The following SYNE2 variants were observed in gnomAD, a reference collection of about 807,000 sequenced individuals.
The protein encoded by SYNE2 is spectrin repeat containing nuclear envelope protein 2.
Under a neutral mutation model 856.3 loss-of-function variants are expected in SYNE2, and 431 were observed. That is an observed-to-expected ratio of 0.50 (90% CI 0.47 to 0.55). The LOEUF is 0.55. Ranked by LOEUF, SYNE2 falls within the 20% of genes least tolerant of loss-of-function variation. SYNE2 has a pLI of 0.00. For missense variants in SYNE2, 8,129 were observed against 8,023.2 expected (o/e 1.01, Z -0.50); for synonymous variants, 2,923 against 2,872.3 (o/e 1.02, Z -0.56).
At chr14:63,923,031 G>T (rs1484618581) in intron 2 of SYNE2, among the ~76,000 whole-genome samples, 1 of 152,188 alleles carries the variant, frequency 6.6e-6, no homozygotes, top group East Asian at 1.9e-4. Context: ...AAAGAAAAGT[G>T]TTCAGTTTTA....
intron 51 of SYNE2, among the ~76,000 whole-genome samples, chr14:64,066,707 C>T (rs997532479): frequency 1.3e-5 from 2 of 152,188 alleles, no homozygotes; most frequent in Non-Finnish European, 2.9e-5. Flanking sequence ...GGCACCAGTG[C>T]TTGCCTGTCC....
intron 6 of SYNE2, among the ~76,000 whole-genome samples, chr14:63,945,690 T>C (rs1234322741): frequency 6.6e-6 from 1 of 152,154 alleles, no homozygotes; most frequent in Non-Finnish European, 1.5e-5. Context: ...TGGGGCACGA[T>C]CTTGGCTCAC....
intron 38 of SYNE2, chr14:64,023,125 C>T: frequency 7.2e-6 from 3 of 418,618 alleles, no homozygotes; most frequent in Non-Finnish European, 1.3e-5. Flanking sequence ...GGTGTGGCAG[C>T]AAGTACCTGT....
intron 98 of SYNE2, 139 bp from the exon 99 acceptor site, chr14:64,189,932 G>A (rs1468152081): frequency 1.1e-6 from 1 of 945,152 alleles, no homozygotes; most frequent in Non-Finnish European, 1.6e-6. Context: ...CAAACTGCTG[G>A]GATTATTGGT....
Position 64,070,693 on chromosome 14 carries a change from G to C in SYNE2, c.10480G>C (p.Glu3494Gln), listed in dbSNP as rs752056288. The C allele has an allele frequency of 1.1e-5, 17 of 1,613,858 alleles. No homozygotes were observed. The South Asian group carries it at 1.8e-4, about 17-fold the overall frequency. The stretch of plus-strand genomic sequence containing the variant: ...AGATAATCTTCAGGAAGAACTCCCT[G>C]AAATTTCCAAAACAAAAGAGGCAGC... ...ILDNLQEELP[E>Q]ISKTKEAATT... The change falls in exon 52 of 116, where the codon GAA (glutamate) becomes CAA (glutamine). Residue 3494 changes from glutamate (E) to glutamine (Q), a missense_variant. This residue lies in a region of SYNE2 where 5,410 missense variants were observed against 5,284.8 expected (regional missense o/e 1.02). Transcript: ENST00000555002.
chr14:63,940,613 G>T lies in SYNE2; in HGVS notation c.80-1G>T. 3 of 1,614,070 alleles carry T rather than the reference G, an allele frequency of 1.9e-6. No individual in the cohort carries two copies. The highest frequency in any genetic ancestry group is 2.5e-6 in the Non-Finnish European group (3 of 1,179,984). Reference sequence around the variant, plus strand: ...AACTGCTGTTGTTCTTTCTTTGATAGCTGAACAGGAAGACACCCAGAAGAA... The same window carrying T: ...AACTGCTGTTGTTCTTTCTTTGATATCTGAACAGGAAGACACCCAGAAGAA... On this transcript the variant is annotated splice_acceptor_variant, in intron 2 of 115. Transcript: ENST00000555002. LOFTEE classifies it high-confidence loss of function.
intron 30 of SYNE2, among the ~76,000 whole-genome samples, chr14:64,005,692 A>G (rs2096790856): frequency 1.3e-5 from 2 of 152,260 alleles, no homozygotes; most frequent in Admixed American, 6.5e-5. Context: ...AAGCAGCAAT[A>G]TCAATAAGAC....
chr14:63,944,501 C>G (rs1436224290), intron 6 of SYNE2, among the ~76,000 whole-genome samples: 1 of 147,286 alleles, frequency 6.8e-6, no homozygotes, highest in Non-Finnish European at 1.5e-5. Context: ...ATAGGGTTTG[C>G]AAACTTAAAG....
intron 48 of SYNE2, among the ~76,000 whole-genome samples, chr14:64,054,974 T>G (rs1334909462): frequency 6.6e-6 from 1 of 152,218 alleles, no homozygotes; most frequent in Non-Finnish European, 1.5e-5. Context: ...TGAGTATTTC[T>G]CCACTTGAAT....
At chr14:64,174,815 C>T (rs2098426305) in intron 94 of SYNE2, 129 bp from the exon 95 acceptor site, 8 of 809,340 alleles carry the variant, frequency 9.9e-6, no homozygotes, top group Non-Finnish European at 1.6e-5. Flanking sequence ...TACATTCTGA[C>T]CCAATTTGTC....
At chr14:64,128,079 TAAATC>T (rs1042322718) in intron 73 of SYNE2, among the ~76,000 whole-genome samples, 4 of 152,224 alleles carry the variant, frequency 2.6e-5, no homozygotes, top group African/African-American at 7.2e-5. Flanking sequence ...TCTGGATAGT[TAAATC>T]ATATTAAGGA....
chr14:64,009,535 CAAAAAAAA>C (rs67434536), intron 31 of SYNE2, among the ~76,000 whole-genome samples: 2 of 77,424 alleles, frequency 2.6e-5, no homozygotes, highest in East Asian at 3.7e-4. Context: ...GACTCTGTCT[CAAAAAAAA>C]AAAAAAAAAA....
At chr14:63,815,171 CATATATATCCATATATATATCCAT>C (rs753407006) in intron 1 of SYNE2, among the ~76,000 whole-genome samples, 37,347 of 68,352 alleles carry the variant, frequency 0.55, 9,342 homozygotes, top group East Asian at 0.67. Flanking sequence ...TATATATCCA[CATATATATCCATATATATATCCAT>C]ATATATATCC....
At chr14:64,099,816 G>A (rs1301529387) in intron 63 of SYNE2, 2 of 151,826 alleles carry the variant, frequency 1.3e-5, no homozygotes, top group East Asian at 3.9e-4. Flanking sequence ...AGTTACATAT[G>A]CATACATGTG....
chr14:64,144,595 CAT>C (rs2098166109), intron 83 of SYNE2, among the ~76,000 whole-genome samples: 1 of 152,020 alleles, frequency 6.6e-6, no homozygotes, highest in African/African-American at 2.4e-5. Context: ...CACTGTGTAA[CAT>C]AATGCACTTA....
chr14:63,781,371 A>G (rs911407219), intron 1 of SYNE2, among the ~76,000 whole-genome samples: 1 of 152,144 alleles, frequency 6.6e-6, no homozygotes, highest in Non-Finnish European at 1.5e-5. Flanking sequence ...ATTGAAATTC[A>G]TGAGATTTGC....
chr14:64,202,741 T>C, intron 99 of SYNE2, 60 bp from the exon 100 acceptor site: 1 of 1,610,536 alleles, frequency 6.2e-7, no homozygotes, highest in Non-Finnish European at 8.5e-7. Flanking sequence ...AGTATTGGGC[T>C]TTTGTTTTCC....
chr14:64,198,012 A>G (rs1417605353), intron 99 of SYNE2, among the ~76,000 whole-genome samples: 2 of 152,246 alleles, frequency 1.3e-5, no homozygotes, highest in Non-Finnish European at 2.9e-5. Flanking sequence ...AGGTCTCCCA[A>G]TAAAGAGCCT....
At chr14:63,839,558 A>G (rs1038393100) in intron 1 of SYNE2, among the ~76,000 whole-genome samples, 9 of 152,148 alleles carry the variant, frequency 5.9e-5, no homozygotes, top group African/African-American at 1.9e-4. Flanking sequence ...GGCCTTGTGC[A>G]GTGGCTTATG....
Sources: allele counts gnomAD v4.1 joint callset (sites outside exome capture counted in the v4.1 genomes callset), GRCh38; gene constraint gnomAD v4.1.1; regional missense constraint gnomAD v4.1.1; transcripts MANE v1.5; gene names NCBI Gene and HGNC (gene_info 2026-07-23, HGNC 2026-07-21).